DACH2: variants seen among roughly 807,000 people sequenced by gnomAD.
DACH2 encodes the protein dachshund homolog 2.
Under a neutral mutation model 35.8 loss-of-function variants are expected in DACH2, and 17 were observed. The ratio of observed to expected loss-of-function variants is 0.48; its 90% CI spans 0.33 to 0.71. The LOEUF (loss-of-function observed/expected upper bound fraction) is 0.71. Ranked by LOEUF, DACH2 falls within the 30% of genes least tolerant of loss-of-function variation. The pLI is 0.02. For missense variants in DACH2, 469 were observed against 472.7 expected, an observed-to-expected ratio of 0.99 and a Z score of 0.07; for synonymous variants, 195 against 177.3, an observed-to-expected ratio of 1.10 and a Z score of -0.79.
At chrX:86,402,457 G>T (rs758197586) in intron 2 of DACH2, among the ~76,000 whole-genome samples, 7 of 111,046 alleles carry the variant, frequency 6.3e-5, no homozygotes, top group Non-Finnish European at 1.3e-4. Flanking sequence ...GAAATACCTA[G>T]GAATACAGGT....
intron 6 of DACH2, among the ~76,000 whole-genome samples, chrX:86,729,340 C>T (rs1460333901): frequency 8.9e-6 from 1 of 111,832 alleles, no homozygotes; most frequent in Non-Finnish European, 1.9e-5. Flanking sequence ...ATGCCTATAC[C>T]CCTGTTGTAT....
chrX:86,813,608 T>A (rs2042417618), intron 9 of DACH2, among the ~76,000 whole-genome samples: 1 of 99,553 alleles, frequency 1.0e-5, no homozygotes, highest in Admixed American at 1.1e-4. Flanking sequence ...CAAGACTCCA[T>A]CTCAAATAAT....
At chrX:86,796,547 G>A (rs1346504461) in intron 7 of DACH2, among the ~76,000 whole-genome samples, 1 of 111,960 alleles carries the variant, frequency 8.9e-6, no homozygotes, top group Admixed American at 9.4e-5. Context: ...GGAATTTAGG[G>A]CAGAAATTTT....
At position 86,453,187 on chromosome X, in the gene DACH2, A is replaced by T. The variant is rs1235840332; in HGVS notation, c.528-61092A>T. ...TTGTGCTGTGGTCTGAAAGACTGTT[A>T]TGATCCCAGTTTATTTGCATTTGCT... On this transcript the variant is annotated intron_variant, in intron 2 of 11. Coordinates refer to ENST00000373125, the MANE Select transcript of DACH2 (RefSeq NM_053281.3). 4.5e-5 allele frequency among the ~76,000 whole-genome samples: 5 copies of T among 111,480 alleles called. No individual in the cohort carries two copies. The East Asian group carries it at 1.4e-3, about 32-fold the overall frequency.
chrX:86,324,334 C>T (rs929476181), intron 1 of DACH2, among the ~76,000 whole-genome samples: 16 of 111,195 alleles, frequency 1.4e-4, no homozygotes, highest in East Asian at 8.5e-4. Context: ...TGACCAAAGA[C>T]AGTGGTTTCT....
At chrX:86,344,682 T>C (rs2035469058) in intron 1 of DACH2, among the ~76,000 whole-genome samples, 1 of 111,259 alleles carries the variant, frequency 9.0e-6, no homozygotes, top group Non-Finnish European at 1.9e-5. Context: ...GATAGATGCT[T>C]TTGCCTAAAC....
chrX:86,390,324 G>C (rs1286380758), intron 2 of DACH2, among the ~76,000 whole-genome samples: 3 of 111,839 alleles, frequency 2.7e-5, no homozygotes, highest in African/African-American at 9.7e-5. Flanking sequence ...AAGCTGTTAG[G>C]TTGTTTAAAA....
intron 1 of DACH2, among the ~76,000 whole-genome samples, chrX:86,317,549 A>C (rs979107875): frequency 8.9e-6 from 1 of 112,283 alleles, no homozygotes; most frequent in Admixed American, 9.5e-5. Flanking sequence ...TTAAAAGATA[A>C]TTTTTCTCTT....
intron 1 of DACH2, among the ~76,000 whole-genome samples, chrX:86,278,160 A>G (rs773853097): frequency 8.9e-6 from 1 of 112,026 alleles, no homozygotes; most frequent in Non-Finnish European, 1.9e-5. Context: ...AAACCATTAT[A>G]TCTGAGAAGT....
intron 1 of DACH2, among the ~76,000 whole-genome samples, chrX:86,265,056 G>A (rs1216820435): frequency 9.0e-6 from 1 of 111,344 alleles, no homozygotes; most frequent in African/African-American, 3.3e-5. Flanking sequence ...TAGATTCAAA[G>A]CCATCTTAAA....
chrX:86,160,418 A>G (rs768032680), intron 1 of DACH2: 1 of 551,684 alleles, frequency 1.8e-6, no homozygotes, highest in Admixed American at 2.5e-5. Context: ...CATATCAATG[A>G]TGGCAGCATC....
At chrX:86,610,389 C>A (rs1428687309) in intron 3 of DACH2, among the ~76,000 whole-genome samples, 1 of 84,216 alleles carries the variant, frequency 1.2e-5, no homozygotes, top group Non-Finnish European at 2.2e-5. Flanking sequence ...TTCTTTCTTT[C>A]TTTCTTTCTT....
At chrX:86,441,851 A>G (rs1192194346) in intron 2 of DACH2, among the ~76,000 whole-genome samples, 1 of 93,470 alleles carries the variant, frequency 1.1e-5, no homozygotes, top group East Asian at 3.1e-4. Context: ...ATATTATACT[A>G]TATATGTGTG....
chrX:86,346,219 A>G (rs774078021), intron 1 of DACH2, among the ~76,000 whole-genome samples: 1 of 111,218 alleles, frequency 9.0e-6, no homozygotes, highest in East Asian at 2.8e-4. Context: ...GTCAGGGCAT[A>G]AATTCATCCT....
chrX:86,758,174 G>A (rs1188754305), intron 7 of DACH2, among the ~76,000 whole-genome samples: 1 of 110,858 alleles, frequency 9.0e-6, no homozygotes, highest in Admixed American at 9.6e-5. Context: ...TGTAGCAAGT[G>A]GTTTATCAAT....
chrX:86,307,869 G>A (rs746572910), intron 1 of DACH2, among the ~76,000 whole-genome samples: 1 of 112,071 alleles, frequency 8.9e-6, no homozygotes, highest in East Asian at 2.8e-4. Context: ...AATGGTGGAA[G>A]CAACATAGAA....
intron 2 of DACH2, among the ~76,000 whole-genome samples, chrX:86,494,870 T>C (rs764602524): frequency 8.9e-6 from 1 of 112,605 alleles, no homozygotes; most frequent in Non-Finnish European, 1.9e-5. Context: ...GGAAATATAA[T>C]GTGAGTCACA....
intron 7 of DACH2, among the ~76,000 whole-genome samples, chrX:86,806,494 G>A (rs1437087545): frequency 9.0e-6 from 1 of 111,700 alleles, no homozygotes; most frequent in Non-Finnish European, 1.9e-5. Flanking sequence ...GGGTTTTTCA[G>A]ATTTTGCAGT....
intron 7 of DACH2, among the ~76,000 whole-genome samples, chrX:86,802,001 C>T (rs1031524008): frequency 9.0e-6 from 1 of 111,609 alleles, no homozygotes; most frequent in Non-Finnish European, 1.9e-5. Flanking sequence ...TAATTTTATT[C>T]GATTTCTTGA....
Sources: allele counts gnomAD v4.1 joint callset (sites outside exome capture counted in the v4.1 genomes callset), GRCh38; gene constraint gnomAD v4.1.1; transcripts MANE v1.5; gene names NCBI Gene and HGNC (gene_info 2026-07-23, HGNC 2026-07-21).